The following LHPP variants were observed in gnomAD, a reference collection of about 807,000 sequenced individuals.
The protein encoded by LHPP is hLHPP.
A neutral mutation model predicts 30.3 loss-of-function variants in LHPP; 24 were observed. The ratio of observed to expected loss-of-function variants is 0.79; its 90% CI spans 0.57 to 1.11. LHPP has a LOEUF of 1.11. Among genes scored for constraint, LHPP ranks in the 50% most tolerant of loss-of-function variants. The pLI is 0.00. For synonymous variants in LHPP, 150 were observed against 157.1 expected, an observed-to-expected ratio of 0.95 and a Z score of 0.34; for missense variants, 356 against 367.2, an observed-to-expected ratio of 0.97 and a Z score of 0.25.
intron 1 of LHPP, among the ~76,000 whole-genome samples, chr10:124,475,114 C>G (rs2133829337): frequency 6.9e-6 from 1 of 145,740 alleles, no homozygotes; most frequent in East Asian, 2.1e-4. Flanking sequence ...CCTCTGCCAC[C>G]CAGGTTCTAG....
At chr10:124,606,209 CGAGGGCCAG>C (rs1818408077) in intron 6 of LHPP, among the ~76,000 whole-genome samples, 1 of 151,780 alleles carries the variant, frequency 6.6e-6, no homozygotes, top group African/African-American at 2.4e-5. Flanking sequence ...AGCCAGGCCC[CGAGGGCCAG>C]GCACTCTGGC....
In LHPP at chr10:124,506,989, GGGGGTAGGGAGGATTT is replaced by G. The variant is rs1564797259; in HGVS notation, c.624+8862_624+8877del. 6.0e-4 allele frequency among the ~76,000 whole-genome samples: 21 copies of G among 35,118 alleles called. 5 individuals carry two copies. Among genetic ancestry groups the G allele is most frequent in the Non-Finnish European group, 6.8e-4 (11 of 16,178 alleles). 23.0% of individuals were successfully genotyped at this position (35,118 alleles called of 152,430 possible). ...GCGGGTAGACAGGATTTCAGGTGAG[GGGGGTAGGGAGGATTT>G]CAGGTCGGGGGGTAGACAGGATTTC... On this transcript the variant is annotated intron_variant, in intron 5 of 6. Transcript: ENST00000368842.
rs552228070 is a variant in LHPP at position 124,498,660 on chromosome 10, C to CTTTT, written c.624+551_624+554dup. 300 of 353,972 alleles carry CTTTT rather than the reference C, an allele frequency of 8.5e-4. 2 individuals carry two copies. The highest frequency in any genetic ancestry group is 2.8e-3 in the East Asian group (35 of 12,432). 21.9% of individuals were successfully genotyped at this position (353,972 alleles called of 1,614,324 possible). On this transcript the variant is annotated intron_variant, in intron 5 of 6. Transcript: ENST00000368842. ...CTCCAGTGGGTTTTCTTTTCTTTTT[C>CTTTT]TTTTTTTTTTTTTTTTTTTTTTGAG...
chr10:124,511,884 G>A (rs1283786300), intron 5 of LHPP, among the ~76,000 whole-genome samples: 4 of 152,124 alleles, frequency 2.6e-5, no homozygotes, highest in South Asian at 2.1e-4. Flanking sequence ...TAGTGAACAC[G>A]TGTGGTAGCC....
chr10:124,502,475 C>T (rs1953933144), intron 5 of LHPP, among the ~76,000 whole-genome samples: 1 of 151,602 alleles, frequency 6.6e-6, no homozygotes, highest in Non-Finnish European at 1.5e-5. Flanking sequence ...CGCCATTCTC[C>T]TGCCTCAGCC....
At chr10:124,571,441 C>T (rs940262824) in intron 6 of LHPP, among the ~76,000 whole-genome samples, 3 of 152,168 alleles carry the variant, frequency 2.0e-5, no homozygotes, top group African/African-American at 2.4e-5. Flanking sequence ...TATTCACTTC[C>T]GTTCAGGAAA....
intron 6 of LHPP, among the ~76,000 whole-genome samples, chr10:124,583,313 A>C (rs1192365044): frequency 2.0e-5 from 3 of 152,038 alleles, no homozygotes; most frequent in African/African-American, 7.3e-5. Flanking sequence ...TTGTTAATTC[A>C]CTTTTGCATA....
intron 6 of LHPP, among the ~76,000 whole-genome samples, chr10:124,520,019 G>A (rs895338410): frequency 6.6e-6 from 1 of 151,968 alleles, no homozygotes; most frequent in African/African-American, 2.4e-5. Flanking sequence ...ATTTTTAGTA[G>A]AGACGGCGTT....
At position 124,517,939 on chromosome 10, in the gene LHPP, G is replaced by C. The variant is rs1162786591; in HGVS notation, c.716+668G>C. Among the ~76,000 whole-genome samples the C allele has an allele frequency of 1.3e-5, 2 of 152,206 alleles. No homozygotes were observed. The highest frequency in any genetic ancestry group is 2.9e-5 in the Non-Finnish European group (2 of 68,042). ...TGCCTTATGCTAGATGGTTTCGATT[G>C]TGGCCATTCAGAGAAAGTACATCTT... On this transcript the variant is annotated intron_variant, in intron 6 of 6. Coordinates refer to ENST00000368842, the MANE Select transcript of LHPP (RefSeq NM_022126.4). This position sits in a 1 kb window ranked among gnomAD's most constrained non-coding sequence, Gnocchi z 4.1.
intron 6 of LHPP, among the ~76,000 whole-genome samples, chr10:124,583,534 C>G (rs925431270): frequency 6.6e-6 from 1 of 152,166 alleles, no homozygotes; most frequent in Non-Finnish European, 1.5e-5. Flanking sequence ...AAATGGCTTA[C>G]AGTTCTGTAG....
chr10:124,467,357 G>A (rs1952581343), intron 1 of LHPP, among the ~76,000 whole-genome samples: 1 of 149,072 alleles, frequency 6.7e-6, no homozygotes. Flanking sequence ...GGTGGTTTCC[G>A]GTGTCTGACT....
chr10:124,517,260 C>T lies in LHPP; in HGVS notation c.705C>T (p.Thr235=), dbSNP rs61738754. The T allele has an allele frequency of 1.0e-3, 1,600 of 1,595,856 alleles. 12 individuals are homozygous for T. In the African/African-American group the frequency reaches 0.016, roughly 16 times the overall value. Residue 235 remains threonine (T), a synonymous_variant, in exon 6 of 7, where the codon ACC becomes ACT. Coordinates refer to ENST00000368842, the MANE Select transcript of LHPP (RefSeq NM_022126.4). The surrounding 1 kb of genome is among the most constrained non-coding windows in gnomAD (Gnocchi z 4.1). ...RCGMRALQVR[T]GKFRPSDEHH... ...GAATGAGAGCGCTGCAGGTGCGCACCGGGAAGTTCAGGTCAGTGCCAGCTG... is the reference window on the plus strand; with the variant it reads ...GAATGAGAGCGCTGCAGGTGCGCACTGGGAAGTTCAGGTCAGTGCCAGCTG...
intron 5 of LHPP, among the ~76,000 whole-genome samples, chr10:124,503,341 C>T (rs1953968527): frequency 6.6e-6 from 1 of 152,068 alleles, no homozygotes; most frequent in Admixed American, 6.5e-5. Flanking sequence ...GCTGGGATTA[C>T]AGGCATGAGC....
intron 3 of LHPP, among the ~76,000 whole-genome samples, chr10:124,494,512 TC>T (rs1225604736): frequency 6.6e-6 from 1 of 152,096 alleles, no homozygotes; most frequent in African/African-American, 2.4e-5. Flanking sequence ...AGGGAGGCCC[TC>T]CCTACCCACC....
At chr10:124,490,606 G>T in intron 3 of LHPP, 1 of 222,670 alleles carries the variant, frequency 4.5e-6, no homozygotes. Context: ...CCAGGTCCGG[G>T]GCTGGAAAGC....
intron 5 of LHPP, among the ~76,000 whole-genome samples, chr10:124,508,811 A>T (rs146394211): frequency 6.6e-6 from 1 of 152,152 alleles, no homozygotes; most frequent in Non-Finnish European, 1.5e-5. Flanking sequence ...CAAAATTGGG[A>T]TAATCTTGTA....
At chr10:124,594,173 CA>C (rs1344830494) in intron 6 of LHPP, among the ~76,000 whole-genome samples, 2 of 151,806 alleles carry the variant, frequency 1.3e-5, no homozygotes, top group South Asian at 2.1e-4. Flanking sequence ...ACTAAAAATA[CA>C]AAAAAACTAG....
intron 1 of LHPP, among the ~76,000 whole-genome samples, chr10:124,472,446 G>T (rs1952810552): frequency 6.6e-6 from 1 of 152,106 alleles, no homozygotes; most frequent in South Asian, 2.1e-4. Context: ...ACTTCAGACT[G>T]TTAGACAGCT....
At chr10:124,553,790 G>A (rs1249610444) in intron 6 of LHPP, 1 of 645,170 alleles carries the variant, frequency 1.5e-6, no homozygotes, top group African/African-American at 2.0e-5. Context: ...TATGACTCCC[G>A]GTGATATTGT....
Sources: gnomAD v4.1 joint callset for allele counts (sites outside exome capture counted in the v4.1 genomes callset) on GRCh38, gnomAD v4.1.1 for gene constraint, Gnocchi (gnomAD v3.1) non-coding constraint, MANE v1.5 for transcripts, NCBI Gene and HGNC (gene_info 2026-07-23, HGNC 2026-07-21) for gene names.